ESRRB: variants seen among roughly 807,000 people sequenced by gnomAD.
ESRRB encodes the protein estrogen related receptor beta.
Under a neutral mutation model 46.0 loss-of-function variants are expected in ESRRB, and 16 were observed. The observed-to-expected ratio is 0.35, with a 90% CI of 0.24 to 0.53. The LOEUF (loss-of-function observed/expected upper bound fraction) is 0.53. ESRRB is among the 20% of genes least tolerant of loss of function. The pLI is 0.93. For synonymous variants in ESRRB, 246 were observed against 259.6 expected (o/e 0.95, Z 0.50); for missense variants, 488 against 607.4 (o/e 0.80, Z 2.07).
chr14:76,404,640 C>T (rs1886095361), intron 1 of ESRRB, among the ~76,000 whole-genome samples: 1 of 152,152 alleles, frequency 6.6e-6, no homozygotes, highest in African/African-American at 2.4e-5. Context: ...TCCTTTTCTC[C>T]CTCCCCTTCC....
At chr14:76,452,592 C>T (rs1182471283) in intron 2 of ESRRB, among the ~76,000 whole-genome samples, 5 of 145,976 alleles carry the variant, frequency 3.4e-5, no homozygotes, top group African/African-American at 1.3e-4. Flanking sequence ...TGCACTCCAG[C>T]CTGGGCAACA....
At chr14:76,496,134 C>T (rs934164563) in intron 6 of ESRRB, among the ~76,000 whole-genome samples, 5 of 152,218 alleles carry the variant, frequency 3.3e-5, no homozygotes, top group Admixed American at 2.6e-4. Context: ...CTGTGGCCAC[C>T]GTGCTTGGCA....
At chr14:76,380,603 G>C (rs1010399827) in intron 1 of ESRRB, among the ~76,000 whole-genome samples, 5 of 152,158 alleles carry the variant, frequency 3.3e-5, no homozygotes, top group African/African-American at 9.7e-5. Context: ...TCGAGTCTCT[G>C]TCCATTTCTT....
chr14:76,331,106 C>G (rs1884008413), intron 1 of ESRRB, among the ~76,000 whole-genome samples: 1 of 152,150 alleles, frequency 6.6e-6, no homozygotes, highest in African/African-American at 2.4e-5. Flanking sequence ...GAAGGGATCG[C>G]CTCCCCATAC....
intron 1 of ESRRB, among the ~76,000 whole-genome samples, chr14:76,378,783 A>G (rs375733123): frequency 6.6e-6 from 1 of 152,190 alleles, no homozygotes; most frequent in Non-Finnish European, 1.5e-5. Flanking sequence ...CCTCTACCCC[A>G]TGGCTTTGTG....
In ESRRB at chr14:76,499,826, T is replaced by C. The variant is rs1284337266; in HGVS notation, c.*1368T>C. ...GATGGCCGTGAAAGTTTTCACTAAC[T>C]CAAGGGGCAGCCCTGAACACCCATT... On this transcript the variant is annotated 3_prime_UTR_variant, in exon 7 of 7. Coordinates refer to ENST00000644823, the MANE Select transcript of ESRRB (RefSeq NM_001379180.1). The C allele has an allele frequency of 6.3e-7, 1 of 1,579,272 alleles. No homozygotes were observed. The highest frequency in any genetic ancestry group is 8.7e-7 in the Non-Finnish European group (1 of 1,148,226).
chr14:76,358,083 G>A (rs1346797770), intron 1 of ESRRB, among the ~76,000 whole-genome samples: 6 of 151,758 alleles, frequency 4.0e-5, no homozygotes, highest in Admixed American at 1.3e-4. Flanking sequence ...AGGCTGAGGC[G>A]GGCAGATCAC....
chr14:76,328,458 G>T (rs1488581691), intron 1 of ESRRB, among the ~76,000 whole-genome samples: 1 of 152,148 alleles, frequency 6.6e-6, no homozygotes, highest in African/African-American at 2.4e-5. Context: ...CACAAGTGCC[G>T]CAGGCAGCCT....
At chr14:76,332,237 G>A (rs1884022057) in intron 1 of ESRRB, among the ~76,000 whole-genome samples, 1 of 151,132 alleles carries the variant, frequency 6.6e-6, no homozygotes, top group Admixed American at 6.7e-5. Flanking sequence ...GAATCTGCGT[G>A]GGCTGGAGCA....
At chr14:76,344,593 G>T (rs1444342944) in intron 1 of ESRRB, among the ~76,000 whole-genome samples, 1 of 152,192 alleles carries the variant, frequency 6.6e-6, no homozygotes, top group Non-Finnish European at 1.5e-5. Flanking sequence ...GCTCATGCCT[G>T]CAATCCCAGC....
chr14:76,371,681 A>G (rs1215601484), upstream of ESRRB: 1 of 152,238 alleles, frequency 6.6e-6, no homozygotes, highest in South Asian at 2.1e-4. Context: ...AGGGACAGGG[A>G]TGGCATAAAC....
intron 2 of ESRRB, among the ~76,000 whole-genome samples, chr14:76,445,585 A>G (rs1386177353): frequency 6.6e-6 from 1 of 151,960 alleles, no homozygotes; most frequent in Non-Finnish European, 1.5e-5. Context: ...TGCGCAATCC[A>G]ATGGTTGTAC....
At chr14:76,392,417 C>T (rs1293634485) in intron 1 of ESRRB, among the ~76,000 whole-genome samples, 1 of 152,136 alleles carries the variant, frequency 6.6e-6, no homozygotes, top group Non-Finnish European at 1.5e-5. Context: ...TACAGTAATA[C>T]CTACGTAGGG....
At chr14:76,436,274 G>A (rs1887671005) in intron 1 of ESRRB, among the ~76,000 whole-genome samples, 1 of 152,246 alleles carries the variant, frequency 6.6e-6, no homozygotes, top group African/African-American at 2.4e-5. Context: ...CCTGGGAGGG[G>A]CTGGGAGCTT....
At chr14:76,487,230 A>G (rs1487745369) in intron 5 of ESRRB, among the ~76,000 whole-genome samples, 4 of 152,214 alleles carry the variant, frequency 2.6e-5, no homozygotes, top group Non-Finnish European at 5.9e-5. Context: ...AGTGTTCCAC[A>G]TGTCAGCTCA....
intron 1 of ESRRB, among the ~76,000 whole-genome samples, chr14:76,341,334 C>T (rs903274898): frequency 2.0e-5 from 3 of 152,252 alleles, no homozygotes; most frequent in Non-Finnish European, 2.9e-5. Context: ...CCAGCCACCA[C>T]ATTGTGACCA....
At chr14:76,361,074 A>T (rs1008356991) in intron 1 of ESRRB, among the ~76,000 whole-genome samples, 4 of 152,144 alleles carry the variant, frequency 2.6e-5, no homozygotes, top group African/African-American at 9.7e-5. Flanking sequence ...CAGGTGTTGG[A>T]CAGGGAGCTT....
chr14:76,427,085 G>A (rs1595106497), intron 1 of ESRRB, among the ~76,000 whole-genome samples: 1 of 152,122 alleles, frequency 6.6e-6, no homozygotes, highest in African/African-American at 2.4e-5. Context: ...TGCCTCAACC[G>A]TTCCTTCTCT....
chr14:76,357,027 T>C (rs1566859315), intron 1 of ESRRB, among the ~76,000 whole-genome samples: 1 of 151,932 alleles, frequency 6.6e-6, no homozygotes, highest in Non-Finnish European at 1.5e-5. Context: ...TGGGGGAGGG[T>C]GTGGGCTCCT....
Sources: allele counts gnomAD v4.1 joint callset (sites outside exome capture counted in the v4.1 genomes callset), GRCh38; gene constraint gnomAD v4.1.1; transcripts MANE v1.5; gene names NCBI Gene and HGNC (gene_info 2026-07-23, HGNC 2026-07-21).